Variants in CABIN1 observed in about 807,000 individuals in gnomAD.
CABIN1 encodes the protein calcineurin-binding protein cabin-1.
Under a neutral mutation model 227.7 loss-of-function variants are expected in CABIN1, and 133 were observed. The ratio of observed to expected loss-of-function variants is 0.58; its 90% CI spans 0.51 to 0.67. The LOEUF (loss-of-function observed/expected upper bound fraction) is 0.67, where lower values mean the gene tolerates loss of function less well. Ranked by LOEUF, CABIN1 falls within the 30% of genes least tolerant of loss-of-function variation. The probability of loss-of-function intolerance (pLI) is 0.00; values close to 1 mark genes in which losing one functional copy is unlikely to be tolerated. For synonymous variants in CABIN1, 1,086 were observed against 1,155.1 expected, an observed-to-expected ratio of 0.94 and a Z score of 1.21; for missense variants, 2,408 against 2,852.5, an observed-to-expected ratio of 0.84 and a Z score of 3.55.
intron 28 of CABIN1, among the ~76,000 whole-genome samples, chr22:24,132,392 C>T (rs2044130302): frequency 6.6e-6 from 1 of 152,148 alleles, no homozygotes; most frequent in Non-Finnish European, 1.5e-5. Context: ...TGCAGCTGAC[C>T]CTCCCTCCTT....
intron 23 of CABIN1, among the ~76,000 whole-genome samples, chr22:24,088,959 G>A (rs1049032111): frequency 6.6e-6 from 1 of 152,138 alleles, no homozygotes; most frequent in Admixed American, 6.5e-5. Flanking sequence ...AGTCCCTTGC[G>A]GGATTCTGTT....
intron 28 of CABIN1, among the ~76,000 whole-genome samples, chr22:24,128,542 C>T (rs1291262131): frequency 6.6e-6 from 1 of 152,124 alleles, no homozygotes; most frequent in African/African-American, 2.4e-5. Flanking sequence ...CAGGTAGCCA[C>T]ACACTCCTCT....
At chr22:24,107,868 G>A (rs897103138) in intron 26 of CABIN1, among the ~76,000 whole-genome samples, 6 of 152,208 alleles carry the variant, frequency 3.9e-5, no homozygotes, top group African/African-American at 1.2e-4. Flanking sequence ...GGAGCTTGCC[G>A]CAGGATGTGC....
At chr22:24,066,468 G>C (rs2039687911) in intron 15 of CABIN1, among the ~76,000 whole-genome samples, 1 of 152,352 alleles carries the variant, frequency 6.6e-6, no homozygotes, top group Admixed American at 6.5e-5. Context: ...CCCTGCTGCA[G>C]TTCTGCATCT....
At chr22:24,038,487 G>C in intron 4 of CABIN1, 26 bp downstream of exon 4, 1 of 1,545,280 alleles carries the variant, frequency 6.5e-7, no homozygotes, top group Non-Finnish European at 8.9e-7. Flanking sequence ...GCCAGGCAGT[G>C]TGCCGTGGTG....
At chr22:24,162,422 T>C (rs1369848154) in intron 29 of CABIN1, among the ~76,000 whole-genome samples, 1 of 152,184 alleles carries the variant, frequency 6.6e-6, no homozygotes, top group Non-Finnish European at 1.5e-5. Flanking sequence ...AGAAGGGGCT[T>C]CTGGGAATAG....
chr22:24,042,833 TGTGTGTGTGTG>T (rs2037505486), intron 5 of CABIN1, 60 bp from the exon 6 acceptor site: 2 of 646,048 alleles, frequency 3.1e-6, no homozygotes, highest in African/African-American at 3.8e-5. Flanking sequence ...TGTGTGTGTG[TGTGTGTGTGTG>T]TGTGTGTGTG....
intron 23 of CABIN1, among the ~76,000 whole-genome samples, chr22:24,090,988 C>T (rs1192634641): frequency 6.6e-6 from 1 of 152,214 alleles, no homozygotes; most frequent in African/African-American, 2.4e-5. Flanking sequence ...TCCTTCCTTC[C>T]TAGCTAGCTG....
rs750252323 is a variant in CABIN1, at chr22:24,035,496, G to A, written c.-22G>A. The A allele has an allele frequency of 3.7e-6, 6 of 1,614,192 alleles. No homozygotes were observed. The highest frequency in any genetic ancestry group is 5.1e-6 in the Non-Finnish European group (6 of 1,180,016). ...CCAGTGATGAGAAGTGATGCTCGTG[G>A]CAGTGCTGAATCTCTCTGAATATGG... is the stretch of plus-strand genomic sequence containing the variant. On this transcript the variant is annotated 5_prime_UTR_variant, in exon 2 of 37. Coordinates refer to ENST00000263119, the MANE Select transcript of CABIN1 (RefSeq NM_012295.4).
chr22:24,155,526 G>A (rs955847088), intron 29 of CABIN1, among the ~76,000 whole-genome samples: 7 of 152,130 alleles, frequency 4.6e-5, no homozygotes, highest in Non-Finnish European at 1.0e-4. Flanking sequence ...ACTTACCATG[G>A]CATCTCTTTT....
In CABIN1 at chr22:24,168,439, CT is replaced by C; in HGVS notation, c.5683-7del. 6.4e-7 allele frequency: 1 copy of C among 1,567,718 alleles called. No individual in the cohort carries two copies. Among genetic ancestry groups the C allele is most frequent in the Non-Finnish European group, 8.6e-7 (1 of 1,156,264 alleles). ...GCGCCCCCTGACTTCCAGCATCTCC[CT>C]GTTAAGGTGGATGAGGAGGCTGCGC... is the stretch of plus-strand genomic sequence containing the variant. On this transcript the variant is annotated splice_polypyrimidine_tract_variant and splice_region_variant and intron_variant, in intron 32 of 36. Transcript: ENST00000263119.
At chr22:24,019,873 T>C (rs1437700023) in intron 1 of CABIN1, among the ~76,000 whole-genome samples, 8 of 151,716 alleles carry the variant, frequency 5.3e-5, no homozygotes, top group African/African-American at 1.9e-4. Context: ...GTCAGGCTGG[T>C]CTTGAACTCC....
intron 4 of CABIN1, among the ~76,000 whole-genome samples, chr22:24,039,292 C>A (rs559766742): frequency 1.3e-5 from 2 of 152,290 alleles, no homozygotes; most frequent in East Asian, 3.9e-4. Flanking sequence ...GGCATGCAGA[C>A]ACTTATGACT....
intron 26 of CABIN1, among the ~76,000 whole-genome samples, chr22:24,104,236 G>C (rs1466867905): frequency 1.3e-5 from 2 of 152,162 alleles, no homozygotes; most frequent in Admixed American, 1.3e-4. Context: ...AAGCTCACTA[G>C]ATGGCTGGGG....
At chr22:24,108,710 A>G (rs1248649018) in intron 26 of CABIN1, among the ~76,000 whole-genome samples, 1 of 152,170 alleles carries the variant, frequency 6.6e-6, no homozygotes, top group East Asian at 1.9e-4. Flanking sequence ...ACATGGGTAA[A>G]GAGGCCAGAG....
rs2040934899 is a variant in CABIN1 at position 24,083,286 on chromosome 22, A to G, written c.2807A>G (p.Lys936Arg). ...ACCTCTGAAGACACGCACCCTTACA[A>G]GGAGGAGCTGGAGACAGCCTTGGAG... ...ASTSEDTHPY[K>R]EELETALEQC... Residue 936 changes from lysine (K) to arginine (R), a missense_variant, in exon 20 of 37, where the codon AAG becomes AGG. By Grantham distance (26) the Lys-to-Arg change is conservative. Coordinates refer to ENST00000263119, the MANE Select transcript of CABIN1 (RefSeq NM_012295.4). 1.2e-6 allele frequency: 2 copies of G among 1,613,418 alleles called. No individual in the cohort carries two copies. The highest frequency in any genetic ancestry group is 1.3e-5 in the African/African-American group (1 of 74,924).
chr22:24,086,251 C>T (rs1199377200), intron 22 of CABIN1, among the ~76,000 whole-genome samples: 1 of 152,246 alleles, frequency 6.6e-6, no homozygotes, highest in Non-Finnish European at 1.5e-5. Context: ...GTTTCCTCGT[C>T]TGTTCCCCTA....
intron 27 of CABIN1, among the ~76,000 whole-genome samples, chr22:24,117,724 G>T (rs2043169197): frequency 6.6e-6 from 1 of 152,180 alleles, no homozygotes; most frequent in Non-Finnish European, 1.5e-5. Context: ...CCCTCTGCCT[G>T]CTTTCCATAA....
chr22:24,059,111 C>T (rs1158339079), intron 10 of CABIN1, 116 bp from the exon 11 acceptor site: 2 of 1,345,586 alleles, frequency 1.5e-6, no homozygotes, highest in East Asian at 4.7e-5. Flanking sequence ...CCCCACCACC[C>T]ACTTATTTTA....
Sources: gnomAD v4.1 joint callset for allele counts (sites outside exome capture counted in the v4.1 genomes callset) on GRCh38, gnomAD v4.1.1 for gene constraint, MANE v1.5 for transcripts, NCBI Gene and HGNC (gene_info 2026-07-23, HGNC 2026-07-21) for gene names.